Variants in MACROD2 observed in about 807,000 individuals in gnomAD.
MACROD2 encodes the protein mono-ADP ribosylhydrolase 2, also known as ADP-ribose glycohydrolase MACROD2.
A neutral mutation model predicts 70.4 loss-of-function variants in MACROD2; 36 were observed. That is an observed-to-expected ratio of 0.51 (90% CI 0.39 to 0.68). The LOEUF is 0.68. Ranked by LOEUF, MACROD2 falls within the 30% of genes least tolerant of loss-of-function variation. The pLI is 0.00. For missense variants in MACROD2, 496 were observed against 538.4 expected, an observed-to-expected ratio of 0.92 and a Z score of 0.78; for synonymous variants, 172 against 178.8, an observed-to-expected ratio of 0.96 and a Z score of 0.30.
chr20:14,466,522 C>G (rs981590951), intron 3 of MACROD2, among the ~76,000 whole-genome samples: 19 of 152,100 alleles, frequency 1.2e-4, no homozygotes, highest in Admixed American at 5.2e-4. Flanking sequence ...CTGAAACCTT[C>G]TTCTCTCAAC....
chr20:15,448,915 C>A (rs1387621903), intron 7 of MACROD2, among the ~76,000 whole-genome samples: 1 of 152,088 alleles, frequency 6.6e-6, no homozygotes, highest in African/African-American at 2.4e-5. Context: ...GCTAACAGTT[C>A]TGCAAATGGT....
chr20:15,611,255 A>G (rs1600665544), intron 8 of MACROD2, among the ~76,000 whole-genome samples: 1 of 152,086 alleles, frequency 6.6e-6, no homozygotes, highest in Non-Finnish European at 1.5e-5. Flanking sequence ...TACAGGTGAA[A>G]TAACTGAGTC....
intron 7 of MACROD2, among the ~76,000 whole-genome samples, chr20:15,435,331 A>G (rs946388610): frequency 6.6e-6 from 1 of 152,176 alleles, no homozygotes; most frequent in Non-Finnish European, 1.5e-5. Context: ...ATAATTCATT[A>G]ACAATTCATC....
At chr20:15,491,963 T>C (rs2047236966) in intron 7 of MACROD2, among the ~76,000 whole-genome samples, 1 of 152,228 alleles carries the variant, frequency 6.6e-6, no homozygotes, top group African/African-American at 2.4e-5. Context: ...ACAAAACAGC[T>C]GCAACTCCAC....
chr20:15,118,114 T>A (rs144045559), intron 5 of MACROD2, among the ~76,000 whole-genome samples: 1 of 152,176 alleles, frequency 6.6e-6, no homozygotes, highest in Non-Finnish European at 1.5e-5. Flanking sequence ...CTTTCTAGAA[T>A]TACCATCCAA....
chr20:15,984,413 G>T (rs2066447463), intron 13 of MACROD2, among the ~76,000 whole-genome samples: 1 of 151,932 alleles, frequency 6.6e-6, no homozygotes, highest in Non-Finnish European at 1.5e-5. Flanking sequence ...CACATAAACT[G>T]TTTCTTTAAT....
At chr20:14,101,141 A>T (rs993541883) in intron 3 of MACROD2, among the ~76,000 whole-genome samples, 1 of 151,742 alleles carries the variant, frequency 6.6e-6, no homozygotes, top group Non-Finnish European at 1.5e-5. Flanking sequence ...TTTTCTAGGC[A>T]TATACATTTT....
At chr20:16,044,302 T>C (rs2147618273) in intron 16 of MACROD2, among the ~76,000 whole-genome samples, 1 of 152,148 alleles carries the variant, frequency 6.6e-6, no homozygotes, top group South Asian at 2.1e-4. Context: ...GATACATCCC[T>C]GCAATCCAAT....
chr20:15,556,794 A>C (rs1475594018), intron 8 of MACROD2, among the ~76,000 whole-genome samples: 1 of 152,184 alleles, frequency 6.6e-6, no homozygotes, highest in East Asian at 1.9e-4. Flanking sequence ...ATGGACCCTC[A>C]CTGTGTTCTG....
intron 3 of MACROD2, chr20:14,128,157 T>C (rs1366879766): frequency 2.2e-6 from 1 of 450,638 alleles, no homozygotes; most frequent in East Asian, 5.3e-5. Context: ...AGACAATTAC[T>C]TTTGATGCTT....
intron 10 of MACROD2, among the ~76,000 whole-genome samples, chr20:15,932,371 G>A (rs564831771): frequency 2.4e-4 from 37 of 152,124 alleles, no homozygotes; most frequent in Non-Finnish European, 4.4e-4. Context: ...GTCTAAAGAA[G>A]TTTCACAGCC....
At chr20:15,116,206 G>A (rs1029773981) in intron 5 of MACROD2, among the ~76,000 whole-genome samples, 4 of 152,152 alleles carry the variant, frequency 2.6e-5, no homozygotes, top group African/African-American at 7.2e-5. Context: ...TTCACACTGT[G>A]TGTGTCCACT....
intron 5 of MACROD2, among the ~76,000 whole-genome samples, chr20:15,031,223 G>A (rs2075271793): frequency 6.6e-6 from 1 of 152,192 alleles, no homozygotes; most frequent in Non-Finnish European, 1.5e-5. Context: ...GAGACGTCAG[G>A]AACCTCAGAG....
At chr20:15,787,250 G>T (rs947290096) in intron 8 of MACROD2, among the ~76,000 whole-genome samples, 1 of 152,164 alleles carries the variant, frequency 6.6e-6, no homozygotes, top group Non-Finnish European at 1.5e-5. Context: ...GGGATTACAG[G>T]CCGAAGAAAC....
chr20:15,479,188 C>T (rs957658366), intron 7 of MACROD2, among the ~76,000 whole-genome samples: 7 of 151,808 alleles, frequency 4.6e-5, no homozygotes, highest in Admixed American at 3.3e-4. Context: ...GGAACACCAG[C>T]ATGGCCTTCC....
At chr20:15,417,557 C>T (rs1158321040) in intron 6 of MACROD2, among the ~76,000 whole-genome samples, 1 of 141,472 alleles carries the variant, frequency 7.1e-6, no homozygotes, top group Non-Finnish European at 1.5e-5. Context: ...CATGATCGCA[C>T]CACTGTCCTC....
chr20:15,838,062 T>A (rs1048544089), intron 8 of MACROD2, among the ~76,000 whole-genome samples: 2 of 152,004 alleles, frequency 1.3e-5, no homozygotes, highest in African/African-American at 4.8e-5. Flanking sequence ...AAAACTCATA[T>A]ACCGTATTAT....
In MACROD2 at chr20:13,996,235, C is replaced by T. The variant is rs566283700; in HGVS notation, c.46+426C>T. 77 of 210,980 alleles carry T rather than the reference C, an allele frequency of 3.6e-4. No homozygotes were observed. In the East Asian group the frequency reaches 8.7e-3, roughly 24 times the overall value. 13.1% of individuals were successfully genotyped at this position (210,980 alleles called of 1,614,324 possible). A position where few individuals can be genotyped will look rare whatever the true frequency, so the allele number is the denominator to read the frequency against. Reference sequence around the variant, plus strand: ...CGGCGGGCGCTCAGGCTGCAGCTGCCGCTGTGCCTCCGCGCTCCGTGCACC... The same window carrying T: ...CGGCGGGCGCTCAGGCTGCAGCTGCTGCTGTGCCTCCGCGCTCCGTGCACC... On this transcript the variant is annotated intron_variant, in intron 1 of 17. Transcript: ENST00000684519.
chr20:14,184,664 A>G (rs1000861857), intron 3 of MACROD2, among the ~76,000 whole-genome samples: 2 of 152,166 alleles, frequency 1.3e-5, no homozygotes, highest in Non-Finnish European at 2.9e-5. Flanking sequence ...ATCCATGAGC[A>G]TGGAATATTT....
Sources: gnomAD v4.1 joint callset for allele counts (sites outside exome capture counted in the v4.1 genomes callset) on GRCh38, gnomAD v4.1.1 for gene constraint, MANE v1.5 for transcripts, NCBI Gene and HGNC (gene_info 2026-07-23, HGNC 2026-07-21) for gene names.